Variants in FANCD2 observed in about 807,000 individuals in gnomAD.
FANCD2 encodes the protein FA complementation group D2.
FANCD2 carries 131 observed loss-of-function variants against 192.3 expected under a neutral mutation model. That is an observed-to-expected ratio of 0.68 (90% CI 0.59 to 0.79). The LOEUF (loss-of-function observed/expected upper bound fraction) is 0.79, where lower values mean the gene tolerates loss of function less well. Ranked by LOEUF, FANCD2 falls within the 30% of genes least tolerant of loss-of-function variation. The pLI is 0.00. For missense variants in FANCD2, 1,508 were observed against 1,701.6 expected, an observed-to-expected ratio of 0.89 and a Z score of 2.00; for synonymous variants, 524 against 612.5, an observed-to-expected ratio of 0.86 and a Z score of 2.13.
chr3:10,039,973 T>A, intron 9 of FANCD2, 128 bp downstream of exon 9: 1 of 995,598 alleles, frequency 1.0e-6, no homozygotes, highest in Non-Finnish European at 1.5e-6. Context: ...CCTTCATGAG[T>A]AGGGTATGGG....
At chr3:10,051,224 C>CA (rs1180535218) in intron 17 of FANCD2, among the ~76,000 whole-genome samples, 1 of 148,400 alleles carries the variant, frequency 6.7e-6, no homozygotes, top group Non-Finnish European at 1.5e-5. Context: ...ACTAAAAATA[C>CA]AAAAAAATTA....
At chr3:10,066,040 T>C (rs748143287) in intron 25 of FANCD2, 61 bp downstream of exon 25, 88 of 1,103,764 alleles carry the variant, frequency 8.0e-5, no homozygotes, top group Non-Finnish European at 1.2e-4. Context: ...AACTATTTTC[T>C]TAGTTCCCAC....
chr3:10,054,378 C>CGTATATGT (rs1289499171), intron 18 of FANCD2, among the ~76,000 whole-genome samples: 1 of 94,702 alleles, frequency 1.1e-5, no homozygotes, highest in African/African-American at 4.9e-5. Context: ...CGTGTATATA[C>CGTATATGT]ATATATATAT....
At chr3:10,032,459 A>AG (rs905436858) in intron 2 of FANCD2, 10 of 89,306 alleles carry the variant, frequency 1.1e-4, no homozygotes, top group Middle Eastern at 6.5e-3. Flanking sequence ...TTGTGTGTGG[A>AG]GGGGGGGAAT....
intron 14 of FANCD2, chr3:10,045,802 A>G (rs1254653822): frequency 6.6e-6 from 1 of 151,558 alleles, no homozygotes; most frequent in Non-Finnish European, 1.5e-5. Flanking sequence ...GGGTTTCAGC[A>G]TCTTGGCCAG....
At chr3:10,069,484 C>T (rs112324505) in intron 26 of FANCD2, among the ~76,000 whole-genome samples, 43 of 140,638 alleles carry the variant, frequency 3.1e-4, no homozygotes, top group Middle Eastern at 3.5e-3. Context: ...CCTCCCCCTC[C>T]CCCTCTCCCG....
intron 29 of FANCD2, among the ~76,000 whole-genome samples, chr3:10,076,284 CT>C (rs58896767): frequency 6.0e-4 from 87 of 144,674 alleles, no homozygotes; most frequent in East Asian, 2.0e-3. Context: ...TTGAATTAGT[CT>C]TTTTTTTTTT....
At chr3:10,031,100 G>T (rs963791674) in intron 2 of FANCD2, among the ~76,000 whole-genome samples, 21 of 152,186 alleles carry the variant, frequency 1.4e-4, no homozygotes, top group Admixed American at 1.3e-3. Flanking sequence ...AGGGATTTGG[G>T]TTCTCTTGGT....
At chr3:10,085,052 T>G (rs567564558) in intron 32 of FANCD2, among the ~76,000 whole-genome samples, 1 of 152,180 alleles carries the variant, frequency 6.6e-6, no homozygotes, top group Non-Finnish European at 1.5e-5. Context: ...AAGATAGAAA[T>G]GTCAAGACTT....
intron 3 of FANCD2, among the ~76,000 whole-genome samples, chr3:10,033,698 C>CTT (rs34115008): frequency 0.14 from 12,737 of 88,942 alleles, 2,383 homozygotes; most frequent in African/African-American, 0.35. Flanking sequence ...AAAGCTAAGT[C>CTT]TTTTTTTTTT....
intron 18 of FANCD2, among the ~76,000 whole-genome samples, chr3:10,056,934 A>C (rs2087429115): frequency 6.6e-6 from 1 of 152,114 alleles, no homozygotes; most frequent in Non-Finnish European, 1.5e-5. Flanking sequence ...GGCTTACTGC[A>C]ACCTCCACCT....
chr3:10,039,333 G>A lies in FANCD2; in HGVS notation c.546G>A (p.Trp182Ter), dbSNP rs748282305. ...IPRLIVSQLK[W>*]LDRVVDGKDL... ...GACTCATTGTCAGTCAACTAAAATGGCTTGACAGAGTTGTGGATGGCAAGG... is the reference window on the plus strand; with the variant it reads ...GACTCATTGTCAGTCAACTAAAATGACTTGACAGAGTTGTGGATGGCAAGG... The change falls in exon 8 of 44, where the codon TGG becomes TGA. Residue 182 changes from tryptophan (W) to a stop codon, truncating the protein, a stop_gained. Coordinates refer to ENST00000675286, the MANE Select transcript of FANCD2 (RefSeq NM_001018115.3). LOFTEE classifies it high-confidence loss of function. 1 of 1,613,784 alleles carries A rather than the reference G, an allele frequency of 6.2e-7. No homozygotes were observed. The highest frequency in any genetic ancestry group is 8.5e-7 in the Non-Finnish European group (1 of 1,179,730).
rs144031110 is a variant in FANCD2, at chr3:10,055,043, T to A, written c.1656+2546T>A. Among the ~76,000 whole-genome samples, 752 of 152,302 alleles carry A rather than the reference T, an allele frequency of 4.9e-3. 3 individuals are homozygous for A. The highest frequency in any genetic ancestry group is 0.017 in the African/African-American group (711 of 41,556). The stretch of plus-strand genomic sequence containing the variant: ...TTTACAAATTTGTGTTTACCTGTAG[T>A]TTCCTTTCCCTTCTTGTTCTACATC... On this transcript the variant is annotated intron_variant, in intron 18 of 43. Transcript: ENST00000675286.
intron 2 of FANCD2, among the ~76,000 whole-genome samples, chr3:10,031,545 A>G (rs1308223070): frequency 1.3e-5 from 2 of 151,978 alleles, no homozygotes; most frequent in South Asian, 2.1e-4. Context: ...TGAAGAAGGA[A>G]AAAACAAAAT....
Position 10,081,358 on chromosome 3 carries a change from G to A in FANCD2, c.3118G>A (p.Glu1040Lys), listed in dbSNP as rs867950536. 1 of 1,613,880 alleles carries A rather than the reference G, an allele frequency of 6.2e-7. No homozygotes were observed. Among genetic ancestry groups the A allele is most frequent in the Non-Finnish European group, 8.5e-7 (1 of 1,179,774 alleles). ...IHNYFQCLAA[E>K]NHGVVDGPGV... The stretch of plus-strand genomic sequence containing the variant: ...TTTTTATTTTTAGTGTTTAGCTGCT[G>A]AGAATCACGGTGTAGTTGATGGACC... Residue 1040 changes from glutamate to lysine, a missense_variant, in exon 32 of 44, where the codon GAG (glutamate) becomes AAG (lysine). By Grantham distance (56) the Glu-to-Lys change is moderately conservative. Transcript: ENST00000675286.
In FANCD2 at chr3:10,073,279, A is replaced by C. The variant is rs780018258; in HGVS notation, c.2632A>C (p.Lys878Gln). The C allele has an allele frequency of 8.7e-6, 14 of 1,613,862 alleles. No homozygotes were observed. Among genetic ancestry groups the C allele is most frequent in the Non-Finnish European group, 1.2e-5 (14 of 1,179,882 alleles). The change falls in exon 28 of 44, where the codon AAG becomes CAG. Residue 878 changes from lysine (K) to glutamine (Q), a missense_variant. Lys to Gln is a moderately conservative substitution (Grantham distance 53). Transcript: ENST00000675286. Reference protein sequence around the residue: ...IERKQKTDGSKTSSSDTLSEE... With the variant: ...IERKQKTDGSQTSSSDTLSEE... ...AAGGAAACAAAAAACAGATGGCAGC[A>C]AGACATCCTCCTCTGACACACTTTC...
At chr3:10,031,488 C>T (rs1208143712) in intron 2 of FANCD2, among the ~76,000 whole-genome samples, 2 of 117,386 alleles carry the variant, frequency 1.7e-5, no homozygotes, top group Non-Finnish European at 3.4e-5. Flanking sequence ...GGCGACAGAG[C>T]AAGACTCCAT....
chr3:10,067,783 G>T (rs1211792733), intron 26 of FANCD2, among the ~76,000 whole-genome samples: 2 of 152,172 alleles, frequency 1.3e-5, no homozygotes, highest in Non-Finnish European at 2.9e-5. Context: ...GGGTGACAGA[G>T]CGAGACTCCC....
intron 26 of FANCD2, among the ~76,000 whole-genome samples, chr3:10,069,232 G>A (rs1005163718): frequency 6.6e-4 from 100 of 151,414 alleles, no homozygotes; most frequent in African/African-American, 2.4e-3. Flanking sequence ...CACAGAATGC[G>A]AGAAAATATT....
Sources: allele counts gnomAD v4.1 joint callset (sites outside exome capture counted in the v4.1 genomes callset), GRCh38; gene constraint gnomAD v4.1.1; transcripts MANE v1.5; gene names NCBI Gene and HGNC (gene_info 2026-07-23, HGNC 2026-07-21).